Variants in TSHZ2 observed in about 807,000 individuals in gnomAD.
The protein encoded by TSHZ2 is teashirt zinc finger homeobox 2.
A neutral mutation model predicts 74.4 loss-of-function variants in TSHZ2; 21 were observed. The observed-to-expected ratio is 0.28, with a 90% CI of 0.20 to 0.41. The LOEUF (loss-of-function observed/expected upper bound fraction) is 0.41. Among genes scored for constraint, TSHZ2 ranks in the 10% least tolerant of loss-of-function variants. The pLI, the probability that TSHZ2 is intolerant of heterozygous loss-of-function variation, is 1.00. For missense variants in TSHZ2, 1,244 were observed against 1,293.5 expected (o/e 0.96, Z 0.59); for synonymous variants, 540 against 515.3 (o/e 1.05, Z -0.65).
At chr20:53,219,644 A>G (rs1204683844) in intron 1 of TSHZ2, among the ~76,000 whole-genome samples, 1 of 152,194 alleles carries the variant, frequency 6.6e-6, no homozygotes, top group Non-Finnish European at 1.5e-5. Flanking sequence ...CAGACAGGTA[A>G]TTTGTGTGGG....
intron 1 of TSHZ2, among the ~76,000 whole-genome samples, chr20:53,150,452 A>G (rs1987648740): frequency 6.6e-6 from 1 of 152,164 alleles, no homozygotes; most frequent in Non-Finnish European, 1.5e-5. Flanking sequence ...TTTCACATAA[A>G]TGGTTGAAAA....
At chr20:53,171,404 T>G (rs1988197608) in intron 1 of TSHZ2, among the ~76,000 whole-genome samples, 3 of 152,264 alleles carry the variant, frequency 2.0e-5, no homozygotes. Context: ...TTATGGTCCC[T>G]TATGAGTCCC....
chr20:53,246,040 C>CTTTTTTTTTTTTTTTTTTTTTTTTTTTTT lies in TSHZ2; in HGVS notation c.41-7446_41-7445insTTTTTTTTTTTTTTTTTTTTTTTTTTTTT, dbSNP rs57243805. Among the ~76,000 whole-genome samples, 271 of 130,476 alleles carry CTTTTTTTTTTTTTTTTTTTTTTTTTTTTT rather than the reference C, an allele frequency of 2.1e-3. 6 individuals are homozygous for CTTTTTTTTTTTTTTTTTTTTTTTTTTTTT. Among genetic ancestry groups the CTTTTTTTTTTTTTTTTTTTTTTTTTTTTT allele is most frequent in the Non-Finnish European group, 3.0e-3 (188 of 62,442 alleles). 85.6% of individuals were successfully genotyped at this position (130,476 alleles called of 152,430 possible). On this transcript the variant is annotated intron_variant, in intron 1 of 2. Coordinates refer to ENST00000371497, the MANE Select transcript of TSHZ2 (RefSeq NM_173485.6). ...TGTGCTTTTCTTTCTTTCTTTCTTT[C>CTTTTTTTTTTTTTTTTTTTTTTTTTTTTT]TTTTTTTTTTTTTGTTTGAGACAGA...
intron 2 of TSHZ2, among the ~76,000 whole-genome samples, chr20:53,314,287 C>CAAAAAAAAAAAAAA (rs5841941): frequency 3.0e-5 from 4 of 131,710 alleles, no homozygotes; most frequent in Admixed American, 7.7e-5. Flanking sequence ...GACTCTGTCT[C>CAAAAAAAAAAAAAA]AAAAAAAAAA....
intron 2 of TSHZ2, among the ~76,000 whole-genome samples, chr20:53,338,519 C>T (rs548134758): frequency 2.4e-4 from 36 of 152,332 alleles, no homozygotes; most frequent in Non-Finnish European, 4.9e-4. Flanking sequence ...AACTTGAAAT[C>T]GACAAGGTGA....
At chr20:53,432,544 T>G (rs1359835309) in intron 2 of TSHZ2, among the ~76,000 whole-genome samples, 1 of 152,230 alleles carries the variant, frequency 6.6e-6, no homozygotes, top group Admixed American at 6.5e-5. Context: ...TTGAGAAACC[T>G]CCATACTATT....
intron 2 of TSHZ2, among the ~76,000 whole-genome samples, chr20:53,368,636 G>A (rs73278215): frequency 4.0e-4 from 61 of 152,222 alleles, no homozygotes; most frequent in African/African-American, 1.4e-3. Flanking sequence ...ATCACATGAT[G>A]TTATCCAAGG....
At chr20:53,033,135 C>A (rs1983697292) in intron 1 of TSHZ2, among the ~76,000 whole-genome samples, 1 of 152,172 alleles carries the variant, frequency 6.6e-6, no homozygotes, top group East Asian at 1.9e-4. Flanking sequence ...GATTTGAATT[C>A]ACAGCTGGTA....
intron 2 of TSHZ2, among the ~76,000 whole-genome samples, chr20:53,350,960 T>G (rs916506327): frequency 2.6e-5 from 4 of 152,244 alleles, no homozygotes; most frequent in Non-Finnish European, 5.9e-5. Context: ...GCAGTTTTGA[T>G]AAACCAGCAT....
chr20:53,268,974 A>T (rs1990774685), intron 2 of TSHZ2, among the ~76,000 whole-genome samples: 1 of 152,174 alleles, frequency 6.6e-6, no homozygotes, highest in African/African-American at 2.4e-5. Context: ...AATTCCAACT[A>T]ATAATACTCA....
intron 1 of TSHZ2, among the ~76,000 whole-genome samples, chr20:53,046,805 T>C (rs552084503): frequency 6.6e-6 from 1 of 152,206 alleles, no homozygotes; most frequent in Non-Finnish European, 1.5e-5. Flanking sequence ...GTGGGGATGC[T>C]AATACTAACC....
intron 2 of TSHZ2, among the ~76,000 whole-genome samples, chr20:53,461,085 G>A (rs1024873032): frequency 1.7e-4 from 25 of 150,088 alleles, no homozygotes; most frequent in African/African-American, 5.9e-4. Context: ...CGAGCTTCCC[G>A]GCTGCTTTGT....
At position 53,310,605 on chromosome 20, in the gene TSHZ2, A is replaced by G. The variant is rs555580266; in HGVS notation, c.*8+54034A>G. Among the ~76,000 whole-genome samples the G allele has an allele frequency of 5.6e-4, 86 of 152,228 alleles. 1 individual carries two copies. The highest frequency in any genetic ancestry group is 9.8e-4 in the Admixed American group (15 of 15,278). The stretch of plus-strand genomic sequence containing the variant: ...AAGACCCACTTCCAAGCTCTCACAC[A>G]TCGATGGTAAAATTCATTTCCTTTC... On this transcript the variant is annotated intron_variant, in intron 2 of 2. Coordinates refer to ENST00000371497, the MANE Select transcript of TSHZ2 (RefSeq NM_173485.6).
intron 1 of TSHZ2, among the ~76,000 whole-genome samples, chr20:53,149,541 G>A (rs1987626213): frequency 6.6e-6 from 1 of 152,190 alleles, no homozygotes; most frequent in Admixed American, 6.5e-5. Flanking sequence ...ATCTGCTTTA[G>A]TTCAGTTCTA....
intron 2 of TSHZ2, among the ~76,000 whole-genome samples, chr20:53,263,269 C>T (rs1990638146): frequency 6.6e-6 from 1 of 152,218 alleles, no homozygotes; most frequent in Admixed American, 6.5e-5. Flanking sequence ...CTCCCACCTA[C>T]CCACACTTCA....
At chr20:53,126,827 C>G (rs1986960457) in intron 1 of TSHZ2, among the ~76,000 whole-genome samples, 1 of 152,140 alleles carries the variant, frequency 6.6e-6, no homozygotes, top group African/African-American at 2.4e-5. Flanking sequence ...CTTTCCGGAT[C>G]CACACTGTTG....
At chr20:53,431,101 G>A (rs761318443) in intron 2 of TSHZ2, among the ~76,000 whole-genome samples, 8 of 152,040 alleles carry the variant, frequency 5.3e-5, no homozygotes, top group Non-Finnish European at 1.0e-4. Flanking sequence ...TCCAGAACAT[G>A]AGATGGACTT....
At chr20:52,995,645 C>A (rs1320671455) in intron 1 of TSHZ2, among the ~76,000 whole-genome samples, 1 of 144,710 alleles carries the variant, frequency 6.9e-6, no homozygotes, top group South Asian at 2.2e-4. Flanking sequence ...CATAGTCTCG[C>A]TCTGTCGCCC....
chr20:53,331,082 C>T (rs549048244), intron 2 of TSHZ2, among the ~76,000 whole-genome samples: 8 of 152,270 alleles, frequency 5.3e-5, no homozygotes, highest in African/African-American at 7.2e-5. Flanking sequence ...GGTGTCTATG[C>T]GGGATTTGGA....
Sources: allele counts gnomAD v4.1 joint callset (sites outside exome capture counted in the v4.1 genomes callset), GRCh38; gene constraint gnomAD v4.1.1; transcripts MANE v1.5; gene names NCBI Gene and HGNC (gene_info 2026-07-23, HGNC 2026-07-21).